Variants in AXDND1 observed in about 807,000 individuals in gnomAD.
The protein encoded by AXDND1 is axonemal dynein light chain domain containing 1.
AXDND1 carries 110 observed loss-of-function variants against 137.5 expected under a neutral mutation model. The ratio of observed to expected loss-of-function variants is 0.80; its 90% CI spans 0.69 to 0.94. AXDND1 has a LOEUF of 0.94. Among genes scored for constraint, AXDND1 ranks in the 40% least tolerant of loss-of-function variants. AXDND1 has a pLI of 0.00. For synonymous variants in AXDND1, 414 were observed against 399.7 expected, an observed-to-expected ratio of 1.04 and a Z score of -0.43; for missense variants, 1,191 against 1,169.8, an observed-to-expected ratio of 1.02 and a Z score of -0.26.
chr1:179,494,664 T>C (rs756744493), intron 20 of AXDND1, among the ~76,000 whole-genome samples: 68 of 152,204 alleles, frequency 4.5e-4, no homozygotes, highest in Non-Finnish European at 5.3e-4. Context: ...ATGAACCTCA[T>C]GCCCAGTTAT....
intron 12 of AXDND1, among the ~76,000 whole-genome samples, chr1:179,420,523 T>G (rs1000964198): frequency 3.9e-5 from 6 of 152,236 alleles, no homozygotes; most frequent in Non-Finnish European, 8.8e-5. Flanking sequence ...TAGTTCTTCT[T>G]CAAATACTTG....
intron 25 of AXDND1, among the ~76,000 whole-genome samples, chr1:179,542,528 G>C (rs1036368754): frequency 5.3e-5 from 8 of 152,204 alleles, no homozygotes; most frequent in Middle Eastern, 3.2e-3. Flanking sequence ...GCATGTGAGA[G>C]AGTTTTCATG....
intron 25 of AXDND1, chr1:179,548,845 C>G (rs1399944834): frequency 6.6e-6 from 1 of 152,238 alleles, no homozygotes; most frequent in Non-Finnish European, 1.5e-5. Flanking sequence ...GGAAGGCCTT[C>G]AAAGCCTCCA....
At chr1:179,464,139 G>A (rs1662781116) in intron 16 of AXDND1, among the ~76,000 whole-genome samples, 1 of 152,116 alleles carries the variant, frequency 6.6e-6, no homozygotes, top group Non-Finnish European at 1.5e-5. Context: ...TATTATGTGT[G>A]AATTTGATCC....
chr1:179,465,159 G>A (rs1662947344), intron 16 of AXDND1, among the ~76,000 whole-genome samples: 2 of 152,162 alleles, frequency 1.3e-5, no homozygotes, highest in Non-Finnish European at 2.9e-5. Context: ...TTGTTCCGTT[G>A]CTGTTGAGGA....
intron 23 of AXDND1, among the ~76,000 whole-genome samples, chr1:179,532,225 C>T (rs1176433711): frequency 1.3e-5 from 2 of 152,148 alleles, no homozygotes; most frequent in Non-Finnish European, 2.9e-5. Context: ...GTTTTCCTAG[C>T]ATATCGTAAC....
chr1:179,474,579 G>A (rs1055488310), intron 17 of AXDND1, among the ~76,000 whole-genome samples: 1 of 152,168 alleles, frequency 6.6e-6, no homozygotes, highest in Non-Finnish European at 1.5e-5. Flanking sequence ...GAGACTGGTG[G>A]CATTTTGACT....
At chr1:179,494,561 A>G (rs1667259748) in intron 20 of AXDND1, among the ~76,000 whole-genome samples, 2 of 145,078 alleles carry the variant, frequency 1.4e-5, no homozygotes, top group African/African-American at 2.5e-5. Context: ...TTTTCCTAAG[A>G]TAGTATTTTA....
chr1:179,406,980 G>A (rs574623200), intron 11 of AXDND1, among the ~76,000 whole-genome samples: 31 of 152,096 alleles, frequency 2.0e-4, no homozygotes, highest in Admixed American at 5.2e-4. Context: ...GTGGTTTTCT[G>A]TAGTGGTAAC....
Position 179,429,543 on chromosome 1 carries a change from T to C in AXDND1, c.1256T>C (p.Leu419Ser). The C allele has an allele frequency of 6.4e-7, 1 of 1,557,978 alleles. No homozygotes were observed. Among genetic ancestry groups the C allele is most frequent in the South Asian group, 1.2e-5 (1 of 82,238 alleles). Residue 419 changes from leucine (L) to serine (S), a missense_variant, in exon 13 of 26, where the codon TTG (leucine) becomes TCG (serine). By Grantham distance (145) the Leu-to-Ser change is moderately radical. Transcript: ENST00000367618. Reference sequence around the variant, plus strand: ...GTGATTGAAAGAAATAGAGTCATATTGGCTAGAAGACTTTACCTTAATGAA... The same window carrying C: ...GTGATTGAAAGAAATAGAGTCATATCGGCTAGAAGACTTTACCTTAATGAA... ...LKVIERNRVI[L>S]ARRLYLNEKG...
intron 9 of AXDND1, among the ~76,000 whole-genome samples, chr1:179,390,512 TTAAC>T (rs997572679): frequency 6.6e-6 from 1 of 152,246 alleles, no homozygotes; most frequent in Non-Finnish European, 1.5e-5. Context: ...ATTCATGAAT[TTAAC>T]TATTTATAAG....
rs1051109914 is a variant in AXDND1, at chr1:179,500,337, A to ATCTGTGTG, written c.2388+7387_2388+7388insCTGTGTGT. 4.5e-5 allele frequency among the ~76,000 whole-genome samples: 6 copies of ATCTGTGTG among 133,886 alleles called. No homozygotes were observed. In the East Asian group the frequency reaches 1.1e-3, roughly 25 times the overall value. The allele number at this position is 133,886 out of a possible 152,430, so 87.8% of individuals were successfully genotyped here. On this transcript the variant is annotated intron_variant, in intron 20 of 25. Transcript: ENST00000367618. The stretch of plus-strand genomic sequence containing the variant: ...ATAGCCATTAATTGCAGGGTACATT[A>ATCTGTGTG]TGTGTGTGTGTGTGTGTGTGTGTGT...
At position 179,534,976 on chromosome 1, in the gene AXDND1, C is replaced by T. The variant is rs976972988; in HGVS notation, c.3031+14C>T. 9 of 1,605,906 alleles carry T rather than the reference C, an allele frequency of 5.6e-6. No homozygotes were observed. Among genetic ancestry groups the T allele is most frequent in the East Asian group, 2.2e-5 (1 of 44,774 alleles). On this transcript the variant is annotated intron_variant, in intron 25 of 25. Coordinates refer to ENST00000367618, the MANE Select transcript of AXDND1 (RefSeq NM_144696.6). ...CTCCAAAGAAAGGTAAGGATTGCTT[C>T]GTATTTTGCTTTATTCAGGTTGTAT...
In AXDND1 at chr1:179,400,727, C is replaced by T. The variant is rs1000775866; in HGVS notation, c.1109+5525C>T. ...CACCATCCTGGCTAACACAGTGAAA[C>T]CCCGTTTCTACTGAAAATACAAAAA... On this transcript the variant is annotated intron_variant, in intron 11 of 25. Transcript: ENST00000367618. Among the ~76,000 whole-genome samples, 8 of 146,518 alleles carry T rather than the reference C, an allele frequency of 5.5e-5. 1 individual carries two copies. The highest frequency in any genetic ancestry group is 1.0e-4 in the Non-Finnish European group (7 of 66,700).
chr1:179,435,445 A>G (rs1658006509), intron 15 of AXDND1, among the ~76,000 whole-genome samples: 1 of 152,230 alleles, frequency 6.6e-6, no homozygotes, highest in African/African-American at 2.4e-5. Flanking sequence ...AAACTATGCT[A>G]CAAGATGACA....
chr1:179,432,260 T>C lies in AXDND1; in HGVS notation c.1488-7T>C. On this transcript the variant is annotated splice_region_variant and splice_polypyrimidine_tract_variant and intron_variant, in intron 14 of 25. Transcript: ENST00000367618. The stretch of plus-strand genomic sequence containing the variant: ...GATGTTTCTCTTTTTTTTTTTCTTC[T>C]TTTCAGTGAAAAAGACATTTTATCC... 2.0e-6 allele frequency: 3 copies of C among 1,536,496 alleles called. No homozygotes were observed. Among genetic ancestry groups the C allele is most frequent in the Non-Finnish European group, 2.6e-6 (3 of 1,138,172 alleles).
At chr1:179,424,589 G>A (rs1442294819) in intron 12 of AXDND1, among the ~76,000 whole-genome samples, 1 of 151,760 alleles carries the variant, frequency 6.6e-6, no homozygotes, top group Non-Finnish European at 1.5e-5. Context: ...CACCAGGCCT[G>A]GCTAATTTTT....
At chr1:179,504,247 C>G (rs990910109) in intron 20 of AXDND1, among the ~76,000 whole-genome samples, 3 of 152,190 alleles carry the variant, frequency 2.0e-5, no homozygotes, top group Non-Finnish European at 4.4e-5. Context: ...CTGAACCAAG[C>G]AGTCTCTTGG....
chr1:179,542,001 G>A (rs1311980676), intron 25 of AXDND1, among the ~76,000 whole-genome samples: 1 of 152,092 alleles, frequency 6.6e-6, no homozygotes, highest in African/African-American at 2.4e-5. Flanking sequence ...GCAGAAAAAA[G>A]ACCAGAAAGA....
Sources: gnomAD v4.1 joint callset for allele counts (sites outside exome capture counted in the v4.1 genomes callset) on GRCh38, gnomAD v4.1.1 for gene constraint, MANE v1.5 for transcripts, NCBI Gene and HGNC (gene_info 2026-07-23, HGNC 2026-07-21) for gene names.